Variants in RIPOR2 observed in about 807,000 individuals in gnomAD.
RIPOR2 encodes the protein RHO family interacting cell polarization regulator 2.
Under a neutral mutation model 114.5 loss-of-function variants are expected in RIPOR2, and 39 were observed. The ratio of observed to expected loss-of-function variants is 0.34; its 90% CI spans 0.26 to 0.44. The LOEUF is 0.44. RIPOR2 is among the 20% of genes least tolerant of loss of function. RIPOR2 has a pLI of 1.00. For missense variants in RIPOR2, 1,007 were observed against 1,255.1 expected (o/e 0.80, Z 2.99); for synonymous variants, 445 against 484.4 (o/e 0.92, Z 1.07).
chr6:24,912,925 T>C (rs1264217513), intron 1 of RIPOR2, among the ~76,000 whole-genome samples: 2 of 152,202 alleles, frequency 1.3e-5, no homozygotes, highest in East Asian at 3.8e-4. Context: ...CTGTCATCTC[T>C]TTCCCATAGC....
chr6:25,017,758 C>A (rs1269921778), intron 1 of RIPOR2, among the ~76,000 whole-genome samples: 1 of 152,184 alleles, frequency 6.6e-6, no homozygotes, highest in Non-Finnish European at 1.5e-5. Flanking sequence ...GGTTAGCTCA[C>A]AACAGTTTTT....
intron 7 of RIPOR2, 146 bp downstream of exon 7, chr6:24,865,155 A>G (rs1764458253): frequency 1.6e-6 from 1 of 624,814 alleles, no homozygotes; most frequent in Non-Finnish European, 2.6e-6. Context: ...CCTTTCTTGC[A>G]TACTTTTTAG....
At chr6:24,852,511 C>T (rs1763062973) in intron 9 of RIPOR2, 64 bp downstream of exon 9, 1 of 1,183,260 alleles carries the variant, frequency 8.5e-7, no homozygotes, top group South Asian at 1.3e-5. Flanking sequence ...AAAATAATGA[C>T]ATGACAACTG....
At chr6:25,023,309 T>C (rs1776422281) in intron 1 of RIPOR2, 3 of 779,390 alleles carry the variant, frequency 3.8e-6, no homozygotes, top group African/African-American at 1.7e-5. Context: ...CCTGAGGGAA[T>C]TGATGTTGAT....
intron 2 of RIPOR2, 37 bp downstream of exon 2, chr6:24,875,654 C>T (rs774754877): frequency 6.3e-7 from 1 of 1,590,722 alleles, no homozygotes; most frequent in Admixed American, 1.8e-5. Context: ...ACTTCCTTGG[C>T]AAGCTGCATC....
At chr6:24,847,495 C>CA (rs751170305) in intron 12 of RIPOR2, 33 of 1,534,282 alleles carry the variant, frequency 2.2e-5, no homozygotes, top group Non-Finnish European at 2.8e-5. Context: ...ACACATGCCA[C>CA]AAGCCCCAGA....
At chr6:24,873,566 A>G in intron 3 of RIPOR2, 78 bp downstream of exon 3, 1 of 1,316,938 alleles carries the variant, frequency 7.6e-7, no homozygotes, top group Non-Finnish European at 1.1e-6. Context: ...GACATCTGAA[A>G]AATGATCTCA....
intron 1 of RIPOR2, among the ~76,000 whole-genome samples, chr6:24,941,375 G>GA (rs75044779): frequency 1.0e-3 from 145 of 140,802 alleles, no homozygotes; most frequent in African/African-American, 2.2e-3. Context: ...ACTAGAAACA[G>GA]AAAAAAAAAA....
At chr6:24,837,211 C>A (rs1238564232) in intron 14 of RIPOR2, among the ~76,000 whole-genome samples, 1 of 152,140 alleles carries the variant, frequency 6.6e-6, no homozygotes, top group African/African-American at 2.4e-5. Flanking sequence ...CAACCTCCAC[C>A]TCCCAGGTTC....
chr6:24,984,613 G>A (rs915283315), intron 1 of RIPOR2, among the ~76,000 whole-genome samples: 18 of 148,596 alleles, frequency 1.2e-4, no homozygotes, highest in African/African-American at 3.5e-4. Context: ...CCCGGGAGTT[G>A]GAGACCAGCC....
At position 24,873,715 on chromosome 6, in the gene RIPOR2, G is replaced by C. The variant is rs1765436732; in HGVS notation, c.273C>G (p.Asn91Lys). The C allele has an allele frequency of 1.9e-6, 3 of 1,613,542 alleles. No individual in the cohort carries two copies. The highest frequency in any genetic ancestry group is 1.7e-6 in the Non-Finnish European group (2 of 1,179,804). ...LKKMHNLGHK[N>K]NNPPKEPQPK... ...GCTGAGGCTCTTTGGGGGGATTGTT[G>C]TTTTTGTGGCCTAAATTGTGCATTT... The change falls in exon 3 of 22, where the codon AAC becomes AAG. Residue 91 changes from asparagine to lysine, a missense_variant. Coordinates refer to ENST00000643898, the MANE Select transcript of RIPOR2 (RefSeq NM_001286445.3).
At chr6:24,966,472 C>T (rs1313138014) in intron 1 of RIPOR2, among the ~76,000 whole-genome samples, 1 of 152,210 alleles carries the variant, frequency 6.6e-6, no homozygotes, top group Non-Finnish European at 1.5e-5. Context: ...ATTCCTATAT[C>T]AGACAGCTGG....
chr6:24,949,218 G>A (rs1772619043), intron 1 of RIPOR2, among the ~76,000 whole-genome samples: 1 of 152,058 alleles, frequency 6.6e-6, no homozygotes, highest in Non-Finnish European at 1.5e-5. Context: ...AAAATGCTGG[G>A]GGCCAGAGGA....
intron 1 of RIPOR2, among the ~76,000 whole-genome samples, chr6:24,920,197 G>T (rs1016057116): frequency 2.6e-5 from 4 of 152,212 alleles, no homozygotes; most frequent in Admixed American, 1.3e-4. Flanking sequence ...GGGGCTGATT[G>T]CTTGCCAGCC....
At chr6:24,953,744 G>A (rs1183564222) in intron 1 of RIPOR2, among the ~76,000 whole-genome samples, 1 of 152,196 alleles carries the variant, frequency 6.6e-6, no homozygotes, top group Non-Finnish European at 1.5e-5. Context: ...AATCTGAACA[G>A]TCTTCAAAAC....
intron 1 of RIPOR2, among the ~76,000 whole-genome samples, chr6:24,896,242 T>G (rs1344228876): frequency 6.6e-6 from 1 of 152,176 alleles, no homozygotes; most frequent in Non-Finnish European, 1.5e-5. Context: ...GTTGCTTAAG[T>G]TTTCCAGAAC....
chr6:24,879,304 C>G (rs1331593269), intron 1 of RIPOR2, among the ~76,000 whole-genome samples: 1 of 152,178 alleles, frequency 6.6e-6, no homozygotes, highest in Non-Finnish European at 1.5e-5. Flanking sequence ...GGAGATCGCG[C>G]CACTGTACTC....
At chr6:25,013,627 C>T (rs148974863) in intron 1 of RIPOR2, among the ~76,000 whole-genome samples, 40 of 152,212 alleles carry the variant, frequency 2.6e-4, no homozygotes, top group Admixed American at 1.2e-3. Context: ...CCAAACTTAA[C>T]GGAAATGTAA....
intron 1 of RIPOR2, among the ~76,000 whole-genome samples, chr6:24,959,401 G>A (rs1165482351): frequency 6.6e-6 from 1 of 151,584 alleles, no homozygotes; most frequent in African/African-American, 2.4e-5. Context: ...GGTCCTAGGA[G>A]GATCCACACA....
Sources: allele counts gnomAD v4.1 joint callset (sites outside exome capture counted in the v4.1 genomes callset), GRCh38; gene constraint gnomAD v4.1.1; transcripts MANE v1.5; gene names NCBI Gene and HGNC (gene_info 2026-07-23, HGNC 2026-07-21).